The following PCSK5 variants were observed in gnomAD, a reference collection of about 807,000 sequenced individuals.
The protein encoded by PCSK5 is prohormone convertase 5.
Under a neutral mutation model 233.2 loss-of-function variants are expected in PCSK5, and 129 were observed. The ratio of observed to expected loss-of-function variants is 0.55; its 90% CI spans 0.48 to 0.64. The LOEUF is 0.64. PCSK5 is among the 30% of genes least tolerant of loss of function. PCSK5 has a pLI of 0.00. For missense variants in PCSK5, 2,076 were observed against 2,430.1 expected, an observed-to-expected ratio of 0.85 and a Z score of 3.06; for synonymous variants, 825 against 879.2, an observed-to-expected ratio of 0.94 and a Z score of 1.09.
intron 9 of PCSK5, among the ~76,000 whole-genome samples, chr9:76,114,828 T>G (rs1419336815): frequency 6.6e-6 from 1 of 152,166 alleles, no homozygotes; most frequent in Non-Finnish European, 1.5e-5. Context: ...TGATCAAGTA[T>G]CATTTTCAAG....
chr9:75,932,323 G>T, intron 1 of PCSK5, 56 bp from the exon 2 acceptor site: 1 of 1,072,172 alleles, frequency 9.3e-7, no homozygotes, highest in East Asian at 2.4e-5. Context: ...ACAGAAGACG[G>T]TTTTCACACA....
intron 22 of PCSK5, among the ~76,000 whole-genome samples, 159 bp from the exon 23 acceptor site, chr9:76,238,800 C>T (rs1487678558): frequency 6.6e-6 from 1 of 152,304 alleles, no homozygotes; most frequent in Admixed American, 6.5e-5. Context: ...AAGGATGTAG[C>T]TATTGCACTT....
chr9:75,891,394 C>G, intron 1 of PCSK5, 21 bp downstream of exon 1: 3 of 1,535,414 alleles, frequency 2.0e-6, no homozygotes. Context: ...ACAGGCTAGC[C>G]CAGCCCTCGG....
At chr9:75,990,943 A>G (rs888840007) in intron 3 of PCSK5, among the ~76,000 whole-genome samples, 2 of 152,214 alleles carry the variant, frequency 1.3e-5, no homozygotes, top group African/African-American at 4.8e-5. Context: ...GATTGAATAA[A>G]TGGATGAGCA....
chr9:76,189,860 G>C (rs1564094237), intron 20 of PCSK5, 114 bp downstream of exon 20: 1 of 599,732 alleles, frequency 1.7e-6, no homozygotes, highest in Non-Finnish European at 2.9e-6. Context: ...GATATGACAT[G>C]CTCAATATTT....
In PCSK5 at chr9:75,891,071, G is replaced by GC; in HGVS notation, c.-110dup. ...TGCCGATCGCCCGGGGCTGCGAGCT[G>GC]CGGCGGCCCGGGGCTGCTCGCCGGG... On this transcript the variant is annotated 5_prime_UTR_variant, in exon 1 of 38. Coordinates refer to ENST00000674117, the MANE Select transcript of PCSK5 (RefSeq NM_001372043.1). The GC allele has an allele frequency of 9.7e-7, 1 of 1,030,324 alleles. No individual in the cohort carries two copies. Among genetic ancestry groups the GC allele is most frequent in the Non-Finnish European group, 1.3e-6 (1 of 775,888 alleles). 63.8% of individuals were successfully genotyped at this position (1,030,324 alleles called of 1,614,324 possible). A position where few individuals can be genotyped will look rare whatever the true frequency, so the allele number is the denominator to read the frequency against.
At chr9:76,172,442 A>G (rs1823371169) in intron 13 of PCSK5, among the ~76,000 whole-genome samples, 1 of 152,202 alleles carries the variant, frequency 6.6e-6, no homozygotes, top group East Asian at 1.9e-4. Flanking sequence ...CTAAGGAAAT[A>G]AAATTACATA....
intron 3 of PCSK5, 88 bp from the exon 4 acceptor site, chr9:76,023,648 GAA>G (rs368950379): frequency 2.9e-5 from 30 of 1,027,118 alleles, no homozygotes; most frequent in African/African-American, 1.5e-4. Context: ...GGGCAGCAGA[GAA>G]AAAAAAAAAC....
chr9:76,141,937 G>A (rs1450629207), intron 10 of PCSK5, among the ~76,000 whole-genome samples: 5 of 151,904 alleles, frequency 3.3e-5, no homozygotes, highest in East Asian at 1.9e-4. Context: ...ATGAGAACTC[G>A]TGAACACAAA....
intron 34 of PCSK5, among the ~76,000 whole-genome samples, chr9:76,336,463 T>C (rs552047527): frequency 6.6e-6 from 1 of 152,316 alleles, no homozygotes; most frequent in African/African-American, 2.4e-5. Context: ...GCAAGAATTT[T>C]GTTACCCTCT....
At chr9:76,008,049 G>A (rs187045366) in intron 3 of PCSK5, among the ~76,000 whole-genome samples, 8 of 151,952 alleles carry the variant, frequency 5.3e-5, no homozygotes, top group East Asian at 1.9e-4. Context: ...TCTGAGCTCC[G>A]TGCAGGTCTC....
chr9:76,279,046 A>C (rs922509490), intron 24 of PCSK5, among the ~76,000 whole-genome samples: 1 of 143,812 alleles, frequency 7.0e-6, no homozygotes, highest in Non-Finnish European at 1.5e-5. Context: ...ATGTCTCCCA[A>C]TGCTATCCCT....
intron 5 of PCSK5, among the ~76,000 whole-genome samples, chr9:76,044,275 A>G (rs1344806492): frequency 6.6e-6 from 1 of 152,244 alleles, no homozygotes; most frequent in Non-Finnish European, 1.5e-5. Flanking sequence ...GCATGTATTC[A>G]TGGTAGTATT....
At position 76,351,532 on chromosome 9, in the gene PCSK5, G is replaced by GAAA. The variant is rs1564196982; in HGVS notation, c.5067+604_5067+605insAAA. Among the ~76,000 whole-genome samples, 303 of 94,300 alleles carry GAAA rather than the reference G, an allele frequency of 3.2e-3. 44 individuals are homozygous for GAAA. The highest frequency in any genetic ancestry group is 5.0e-3 in the Middle Eastern group (1 of 202). The allele number at this position is 94,300 out of a possible 152,430, so 61.9% of individuals were successfully genotyped here. ...AGAAAGAAAGAAAGAAAGAAAGAAA[G>GAAA]GAAGGAAAGAAAGAGAAAGAAGAGA... On this transcript the variant is annotated intron_variant, in intron 36 of 37. Transcript: ENST00000674117.
intron 10 of PCSK5, among the ~76,000 whole-genome samples, chr9:76,155,419 A>C (rs883830): frequency 0.077 from 11,669 of 152,302 alleles, 708 homozygotes; most frequent in East Asian, 0.28. Context: ...CTCTATGTGC[A>C]TCAAGTTCTG....
rs4745484 is a variant in PCSK5 at position 76,009,147 on chromosome 9, C to T, written c.412-14591C>T. ...GGGATGGTGCTGAGCAAAAAGCATG[C>T]GCAAAATATTTGTTGAATTAAAGAT... On this transcript the variant is annotated intron_variant, in intron 3 of 37. Transcript: ENST00000674117. Among the ~76,000 whole-genome samples, 12 of 151,948 alleles carry T rather than the reference C, an allele frequency of 7.9e-5. No homozygotes were observed. In the East Asian group the frequency reaches 1.4e-3, roughly 17 times the overall value.
At chr9:76,236,490 G>A (rs1552936) in intron 22 of PCSK5, among the ~76,000 whole-genome samples, 124,603 of 152,206 alleles carry the variant, frequency 0.82, 51,250 homozygotes, top group East Asian at 0.99. Context: ...CCCTTCTACC[G>A]CTGGAAATAG....
At chr9:75,994,396 CTTTCTTTTTTTTTTTTTTTTTTT>C (rs1199470439) in intron 3 of PCSK5, among the ~76,000 whole-genome samples, 775 of 68,274 alleles carry the variant, frequency 0.011, 67 homozygotes, top group African/African-American at 0.038. Context: ...TTCTTTCTTT[CTTTCTTTTTTTTTTTTTTTTTTT>C]TTTTTTTTTT....
chr9:76,077,413 CT>C (rs1830679671), intron 7 of PCSK5, among the ~76,000 whole-genome samples: 1 of 152,114 alleles, frequency 6.6e-6, no homozygotes, highest in Admixed American at 6.5e-5. Flanking sequence ...CTTCTTTGGT[CT>C]TTTTAAAAAT....
Sources: allele counts gnomAD v4.1 joint callset (sites outside exome capture counted in the v4.1 genomes callset), GRCh38; gene constraint gnomAD v4.1.1; transcripts MANE v1.5; gene names NCBI Gene and HGNC (gene_info 2026-07-23, HGNC 2026-07-21).